The following HEATR5B variants were observed in gnomAD, a reference collection of about 807,000 sequenced individuals.
HEATR5B encodes HEAT repeat containing 5B, also known as HEAT repeat-containing protein 5B.
In HEATR5B, 156 loss-of-function variants were observed where a neutral mutation model predicts 224.1. The observed-to-expected ratio is 0.70, with a 90% confidence interval of 0.61 to 0.80. The LOEUF (loss-of-function observed/expected upper bound fraction) is 0.80. Among genes scored for constraint, HEATR5B ranks in the 30% least tolerant of loss-of-function variants. The pLI, the probability that HEATR5B is intolerant of heterozygous loss-of-function variation, is 0.00. For synonymous variants in HEATR5B, 1,027 were observed against 893.0 expected (o/e 1.15, Z -2.68); for missense variants, 2,323 against 2,535.5 (o/e 0.92, Z 1.80).
chr2:37,043,319 A>G (rs1669993091), intron 18 of HEATR5B, among the ~76,000 whole-genome samples: 1 of 152,266 alleles, frequency 6.6e-6, no homozygotes, highest in Admixed American at 6.5e-5. Context: ...GTTCATTCAA[A>G]GCAAAAGTGG....
chr2:37,065,995 C>A, intron 8 of HEATR5B, 85 bp from the exon 9 acceptor site: 1 of 1,227,918 alleles, frequency 8.1e-7, no homozygotes. Context: ...TGATTTTAGC[C>A]ATACCAGTTG....
intron 2 of HEATR5B, among the ~76,000 whole-genome samples, chr2:37,079,536 T>C (rs1672427600): frequency 6.6e-6 from 1 of 152,200 alleles, no homozygotes; most frequent in Non-Finnish European, 1.5e-5. Context: ...TTCTCCTTCA[T>C]GCTCCTCCAA....
intron 18 of HEATR5B, among the ~76,000 whole-genome samples, chr2:37,044,410 CTT>C (rs1670061328): frequency 6.6e-6 from 1 of 152,172 alleles, no homozygotes; most frequent in Non-Finnish European, 1.5e-5. Context: ...TAGAACAAAG[CTT>C]TTAAGATTCA....
rs1669603901 is a variant in HEATR5B at position 37,037,915 on chromosome 2, C to T, written c.3156G>A (p.Gln1052=). The T allele has an allele frequency of 1.2e-6, 2 of 1,600,142 alleles. No individual in the cohort carries two copies. The highest frequency in any genetic ancestry group is 8.5e-7 in the Non-Finnish European group (1 of 1,171,356). Residue 1052 remains glutamine (Q), a synonymous_variant, in exon 21 of 36, where the codon CAG becomes CAA. Coordinates refer to ENST00000233099, the MANE Select transcript of HEATR5B (RefSeq NM_019024.3). ...LVQAAAISCL[Q]QLHMFAPRHV... ...GTCGTGGTGCAAACATGTGAAGCTG[C>T]TGAAGGCAAGATATGGCAGCTGCCT...
intron 7 of HEATR5B, 114 bp from the exon 8 acceptor site, chr2:37,069,044 G>T: frequency 9.2e-7 from 1 of 1,091,430 alleles, no homozygotes. Context: ...TTGTATTTGA[G>T]GCTAAAACAG....
At chr2:37,041,668 C>T (rs994531779) in intron 18 of HEATR5B, among the ~76,000 whole-genome samples, 4 of 152,070 alleles carry the variant, frequency 2.6e-5, no homozygotes, top group African/African-American at 9.7e-5. Flanking sequence ...ACTGCTTGAG[C>T]CTGACAGGTG....
intron 5 of HEATR5B, among the ~76,000 whole-genome samples, chr2:37,074,087 C>T (rs889877539): frequency 1.3e-5 from 2 of 151,874 alleles, no homozygotes; most frequent in African/African-American, 4.8e-5. Context: ...TTTGGGAGGC[C>T]GAGGTGGGCG....
At chr2:37,002,203 G>T in intron 32 of HEATR5B, 103 bp downstream of exon 32, 1 of 1,263,250 alleles carries the variant, frequency 7.9e-7, no homozygotes, top group Non-Finnish European at 1.1e-6. Context: ...TTTCACTTGA[G>T]ATTTAAGAGG....
chr2:36,983,402 G>A (rs192595936), intron 35 of HEATR5B, among the ~76,000 whole-genome samples: 1 of 152,174 alleles, frequency 6.6e-6, no homozygotes, highest in African/African-American at 2.4e-5. Context: ...AGCCGGGCAT[G>A]GTGGCGCATG....
chr2:37,006,333 T>C (rs1442393841), intron 29 of HEATR5B, among the ~76,000 whole-genome samples: 1 of 152,236 alleles, frequency 6.6e-6, no homozygotes, highest in African/African-American at 2.4e-5. Context: ...CATTACCATG[T>C]ATAAATTCTT....
At chr2:37,062,356 G>A (rs1393221481) in intron 10 of HEATR5B, among the ~76,000 whole-genome samples, 1 of 152,188 alleles carries the variant, frequency 6.6e-6, no homozygotes, top group Non-Finnish European at 1.5e-5. Flanking sequence ...CTTGAACTGG[G>A]GAGGCGGAGG....
At chr2:37,029,290 A>AT (rs1286797313) in intron 22 of HEATR5B, among the ~76,000 whole-genome samples, 7 of 152,256 alleles carry the variant, frequency 4.6e-5, no homozygotes, top group African/African-American at 1.7e-4. Flanking sequence ...ATTCAGTCTT[A>AT]TAGTTCAGAT....
intron 26 of HEATR5B, among the ~76,000 whole-genome samples, chr2:37,016,487 A>G (rs919676794): frequency 6.6e-6 from 1 of 152,154 alleles, no homozygotes; most frequent in African/African-American, 2.4e-5. Flanking sequence ...GTAAAAGGTA[A>G]TAAGGTACCT....
At chr2:37,041,023 C>G (rs1449395862) in intron 19 of HEATR5B, 110 bp downstream of exon 19, 1 of 801,128 alleles carries the variant, frequency 1.2e-6, no homozygotes, top group Non-Finnish European at 2.0e-6. Flanking sequence ...AAAACAAACC[C>G]TAATATATTT....
intron 18 of HEATR5B, among the ~76,000 whole-genome samples, chr2:37,047,405 A>T (rs1433815681): frequency 6.6e-6 from 1 of 152,246 alleles, no homozygotes; most frequent in Non-Finnish European, 1.5e-5. Context: ...CAGATTAGAA[A>T]GTTACCTTTG....
chr2:37,074,378 AAAAC>A (rs1160850863), intron 5 of HEATR5B, among the ~76,000 whole-genome samples: 1 of 152,044 alleles, frequency 6.6e-6, no homozygotes, highest in Non-Finnish European at 1.5e-5. Context: ...ATTGAAAAAA[AAAAC>A]AAAAAATTTT....
At chr2:37,026,384 T>G (rs571893067) in intron 24 of HEATR5B, among the ~76,000 whole-genome samples, 1 of 152,374 alleles carries the variant, frequency 6.6e-6, no homozygotes, top group African/African-American at 2.4e-5. Flanking sequence ...ACCAAGTTTG[T>G]GGGCATTTGT....
rs1348209192 is a variant in HEATR5B at position 37,020,759 on chromosome 2, G to A, written c.3931C>T (p.Arg1311Ter). 3 of 1,610,390 alleles carry A rather than the reference G, an allele frequency of 1.9e-6. No homozygotes were observed. Among genetic ancestry groups the A allele is most frequent in the East Asian group, 2.2e-5 (1 of 44,712 alleles). Residue 1311 changes from arginine (R) to a stop codon, truncating the protein, a stop_gained, in exon 25 of 36, where the codon CGA (arginine) becomes TGA (stop). Transcript: ENST00000233099. LOFTEE classifies it high-confidence loss of function. ...TCAAGCGCCTGGAGCCCAGCCATTC[G>A]CAGCTGGTTGCTATGATCAGTTGCA... ...MAATDHSNQL[R>*]MAGLQALEDI...
At chr2:37,061,642 G>T (rs925280793) in intron 11 of HEATR5B, among the ~76,000 whole-genome samples, 18 of 152,130 alleles carry the variant, frequency 1.2e-4, no homozygotes, top group Non-Finnish European at 2.5e-4. Context: ...TTCACTTAGG[G>T]TATGAAATTT....
Sources: gnomAD v4.1 joint callset for allele counts (sites outside exome capture counted in the v4.1 genomes callset) on GRCh38, gnomAD v4.1.1 for gene constraint, MANE v1.5 for transcripts, NCBI Gene and HGNC (gene_info 2026-07-23, HGNC 2026-07-21) for gene names.